Variants in PRKN observed in about 807,000 individuals in gnomAD.
The protein encoded by PRKN is parkin RBR E3 ubiquitin protein ligase.
PRKN carries 56 observed loss-of-function variants against 59.5 expected under a neutral mutation model. That is an observed-to-expected ratio of 0.94 (90% confidence interval 0.76 to 1.18). PRKN has a LOEUF of 1.18. Among genes scored for constraint, PRKN ranks in the 50% most tolerant of loss-of-function variants. PRKN has a pLI of 0.00. For missense variants in PRKN, 657 were observed against 596.4 expected, an observed-to-expected ratio of 1.10 and a Z score of -1.06; for synonymous variants, 250 against 222.1, an observed-to-expected ratio of 1.13 and a Z score of -1.12.
intron 2 of PRKN, among the ~76,000 whole-genome samples, chr6:162,365,257 T>C (rs1168266878): frequency 6.6e-6 from 1 of 152,172 alleles, no homozygotes; most frequent in African/African-American, 2.4e-5. Context: ...TTTGTAAGTG[T>C]ATTGTTCTGT....
intron 3 of PRKN, among the ~76,000 whole-genome samples, chr6:162,243,205 GC>G (rs146826895): frequency 0.045 from 6,856 of 152,114 alleles, 539 homozygotes; most frequent in African/African-American, 0.16. Flanking sequence ...GTTCCATTAT[GC>G]TAATGTCTTA....
Position 161,475,835 on chromosome 6 carries a change from A to G in PRKN, c.1083+73019T>C, listed in dbSNP as rs746696591. Among the ~76,000 whole-genome samples, 3 of 152,094 alleles carry G rather than the reference A, an allele frequency of 2.0e-5. No individual in the cohort carries two copies. Among genetic ancestry groups the G allele is most frequent in the Non-Finnish European group, 4.4e-5 (3 of 68,014 alleles). On this transcript the variant is annotated intron_variant, in intron 9 of 11. Transcript: ENST00000366898. This position sits in a 1 kb window ranked among gnomAD's most constrained non-coding sequence, Gnocchi z 5.3. ...TATTAAAAACCATGAATTTCTTTTT[A>G]TTACTCTGATAACTGCATTTTCCTT...
At chr6:162,695,521 TG>T (rs1418078016) in intron 1 of PRKN, among the ~76,000 whole-genome samples, 1 of 152,178 alleles carries the variant, frequency 6.6e-6, no homozygotes, top group Non-Finnish European at 1.5e-5. Context: ...TTTACTTACA[TG>T]GTATATTTTT....
At chr6:161,707,077 C>T (rs1010609161) in intron 7 of PRKN, among the ~76,000 whole-genome samples, 3 of 152,074 alleles carry the variant, frequency 2.0e-5, no homozygotes, top group African/African-American at 7.2e-5. Context: ...CGGTTTTATA[C>T]ATGTGTTTGG....
At chr6:162,282,551 T>G (rs1255577748) in intron 2 of PRKN, among the ~76,000 whole-genome samples, 2 of 152,210 alleles carry the variant, frequency 1.3e-5, no homozygotes, top group Non-Finnish European at 2.9e-5. Context: ...CAAAAACACA[T>G]GTACATGGAT....
At chr6:161,594,749 A>C (rs1781852851) in intron 7 of PRKN, among the ~76,000 whole-genome samples, 2 of 152,220 alleles carry the variant, frequency 1.3e-5, no homozygotes, top group African/African-American at 4.8e-5. Flanking sequence ...AACTAAAAAC[A>C]CTGGTTTTTT....
chr6:162,446,509 A>G (rs1372356019), intron 1 of PRKN, among the ~76,000 whole-genome samples: 1 of 152,210 alleles, frequency 6.6e-6, no homozygotes, highest in Admixed American at 6.5e-5. Context: ...CTAAGTATAT[A>G]CAAGTTTTTT....
In PRKN at chr6:162,610,812, T is replaced by C. The variant is rs369388721; in HGVS notation, c.7+116850A>G. ...ATTTACATCTCTATAGCAGGAATCCTTAATTCATTCGAGATTTTATGATAA... is the reference window on the plus strand; with the variant it reads ...ATTTACATCTCTATAGCAGGAATCCCTAATTCATTCGAGATTTTATGATAA... On this transcript the variant is annotated intron_variant, in intron 1 of 11. Transcript: ENST00000366898. Among the ~76,000 whole-genome samples, 107 of 152,340 alleles carry C rather than the reference T, an allele frequency of 7.0e-4. No homozygotes were observed. The East Asian group carries it at 0.01, about 14-fold the overall frequency.
intron 7 of PRKN, among the ~76,000 whole-genome samples, chr6:161,777,825 T>C (rs1228675765): frequency 4.4e-5 from 6 of 136,660 alleles, no homozygotes; most frequent in Non-Finnish European, 7.5e-5. Context: ...TGTGTATATA[T>C]GTATATGTAT....
Position 161,725,024 on chromosome 6 carries a change from T to C in PRKN, c.871+60748A>G, listed in dbSNP as rs568175361. On this transcript the variant is annotated intron_variant, in intron 7 of 11. Transcript: ENST00000366898. ...CTTGCTCTTGCTCTCCCATGTGAGA[T>C]ACCACTTTTGCTTTTCCTCCTGCCA... Among the ~76,000 whole-genome samples, 7 of 152,320 alleles carry C rather than the reference T, an allele frequency of 4.6e-5. No homozygotes were observed. In the South Asian group the frequency reaches 1.0e-3, roughly 23 times the overall value.
intron 9 of PRKN, among the ~76,000 whole-genome samples, chr6:161,541,504 G>T (rs952157146): frequency 6.6e-6 from 1 of 152,182 alleles, no homozygotes; most frequent in African/African-American, 2.4e-5. Flanking sequence ...TATTCAAAAA[G>T]ATGGATCTTA....
chr6:161,616,081 C>G (rs1046332483), intron 7 of PRKN, among the ~76,000 whole-genome samples: 2 of 152,158 alleles, frequency 1.3e-5, no homozygotes, highest in African/African-American at 4.8e-5. Flanking sequence ...GCTGCTGATG[C>G]ACTGACTTTG....
chr6:161,819,071 C>T (rs1456576853), intron 6 of PRKN, among the ~76,000 whole-genome samples: 2 of 152,246 alleles, frequency 1.3e-5, no homozygotes, highest in African/African-American at 2.4e-5. Flanking sequence ...CATTATACTC[C>T]GAACTTAGGT....
chr6:161,538,132 T>G lies in PRKN; in HGVS notation c.1083+10722A>C, dbSNP rs1273190230. Among the ~76,000 whole-genome samples, 1 of 152,124 alleles carries G rather than the reference T, an allele frequency of 6.6e-6. No homozygotes were observed. Among genetic ancestry groups the G allele is most frequent in the East Asian group, 1.9e-4 (1 of 5,186 alleles). On this transcript the variant is annotated intron_variant, in intron 9 of 11. Coordinates refer to ENST00000366898, the MANE Select transcript of PRKN (RefSeq NM_004562.3). This position sits in a 1 kb window ranked among gnomAD's most constrained non-coding sequence, Gnocchi z 4.2. ...CTTCTACAGAAAGGAGGAAGAAAAT[T>G]GCTTTTTGGAAGTGCAGCAATAGGC... is the stretch of plus-strand genomic sequence containing the variant.
chr6:161,685,803 C>T (rs1038633307), intron 7 of PRKN, among the ~76,000 whole-genome samples: 3 of 152,110 alleles, frequency 2.0e-5, no homozygotes, highest in African/African-American at 7.2e-5. Flanking sequence ...TTGCTGTGAA[C>T]CCAAAACTGC....
chr6:162,220,232 G>A (rs1450522457), intron 3 of PRKN, among the ~76,000 whole-genome samples: 2 of 152,076 alleles, frequency 1.3e-5, no homozygotes, highest in Non-Finnish European at 2.9e-5. Flanking sequence ...AATCCTAGAA[G>A]AAAACCTAGA....
chr6:162,083,231 A>G lies in PRKN; in HGVS notation c.535-29057T>C, dbSNP rs181452808. Among the ~76,000 whole-genome samples the G allele has an allele frequency of 1.1e-4, 17 of 152,092 alleles. No homozygotes were observed. In the East Asian group the frequency reaches 3.1e-3, roughly 28 times the overall value. On this transcript the variant is annotated intron_variant, in intron 4 of 11. Transcript: ENST00000366898. ...TATACTTTTGAAAGACAAAGTCTGAACTATTAACTGAAAACAAAGATCCCC... is the reference window on the plus strand; with the variant it reads ...TATACTTTTGAAAGACAAAGTCTGAGCTATTAACTGAAAACAAAGATCCCC...
intron 5 of PRKN, among the ~76,000 whole-genome samples, chr6:162,030,047 C>T (rs1375196466): frequency 1.3e-5 from 2 of 152,120 alleles, no homozygotes; most frequent in East Asian, 1.9e-4. Context: ...TCTATGTTGC[C>T]TATGCTGTGC....
At chr6:162,345,233 C>G (rs1172894096) in intron 2 of PRKN, among the ~76,000 whole-genome samples, 1 of 152,170 alleles carries the variant, frequency 6.6e-6, no homozygotes, top group Non-Finnish European at 1.5e-5. Context: ...ACGGCACTTT[C>G]TGTCTAGCAT....
Sources: gnomAD v4.1 joint callset for allele counts (sites outside exome capture counted in the v4.1 genomes callset) on GRCh38, gnomAD v4.1.1 for gene constraint, Gnocchi (gnomAD v3.1) non-coding constraint, MANE v1.5 for transcripts, NCBI Gene and HGNC (gene_info 2026-07-23, HGNC 2026-07-21) for gene names.